The following MROH9 variants were observed in gnomAD, a reference collection of about 807,000 sequenced individuals.
The protein encoded by MROH9 is maestro heat-like repeat-containing protein family member 9.
Under a neutral mutation model 98.2 loss-of-function variants are expected in MROH9, and 92 were observed. The ratio of observed to expected loss-of-function variants is 0.94; its 90% CI spans 0.79 to 1.11. MROH9 has a LOEUF of 1.11. MROH9 is among the 50% of genes most tolerant of loss of function. The pLI, the probability that MROH9 is intolerant of heterozygous loss-of-function variation, is 0.00. For missense variants in MROH9, 1,057 were observed against 1,014.8 expected (o/e 1.04, Z -0.57); for synonymous variants, 397 against 368.9 (o/e 1.08, Z -0.87).
intron 15 of MROH9, among the ~76,000 whole-genome samples, chr1:171,005,172 C>T (rs1330452395): frequency 6.6e-6 from 1 of 152,128 alleles, no homozygotes; most frequent in Non-Finnish European, 1.5e-5. Context: ...TCAAGCAATT[C>T]TTCCACCTTA....
chr1:171,038,990 C>T lies in MROH9; in HGVS notation c.2281+13570C>T, dbSNP rs573353160. Among the ~76,000 whole-genome samples, 24 of 152,156 alleles carry T rather than the reference C, an allele frequency of 1.6e-4. No homozygotes were observed. In the East Asian group the frequency reaches 3.9e-3, roughly 24 times the overall value. ...CCTGCATTTCTGCATGGTAGCAACC[C>T]GGATGTAGCTGACCATCAGCTTCAC... On this transcript the variant is annotated intron_variant, in intron 20 of 21. Coordinates refer to ENST00000367759, the MANE Select transcript of MROH9 (RefSeq NM_001163629.2).
intron 17 of MROH9, among the ~76,000 whole-genome samples, chr1:171,018,194 C>T (rs908813027): frequency 5.9e-5 from 9 of 152,098 alleles, no homozygotes; most frequent in African/African-American, 2.2e-4. Context: ...GAGCAGGCAC[C>T]CATCTTTGCT....
chr1:170,972,680 C>A (rs1295298410), intron 8 of MROH9, among the ~76,000 whole-genome samples: 1 of 151,696 alleles, frequency 6.6e-6, no homozygotes, highest in East Asian at 1.9e-4. Flanking sequence ...GGTGTGGTGG[C>A]AGGCACCTGT....
intron 17 of MROH9, among the ~76,000 whole-genome samples, chr1:171,020,654 A>G (rs1024282286): frequency 6.6e-6 from 1 of 152,186 alleles, no homozygotes; most frequent in Admixed American, 6.5e-5. Flanking sequence ...CACAGCCAAT[A>G]TCATATTGAA....
chr1:170,941,517 T>C (rs556741366), intron 1 of MROH9, among the ~76,000 whole-genome samples: 1 of 152,314 alleles, frequency 6.6e-6, no homozygotes, highest in South Asian at 2.1e-4. Context: ...CATGATCAAC[T>C]AGCCAATACC....
chr1:171,047,847 T>C (rs1425570354), intron 20 of MROH9, among the ~76,000 whole-genome samples: 1 of 152,200 alleles, frequency 6.6e-6, no homozygotes. Context: ...TGTTGTAACC[T>C]AAGTTGTATC....
chr1:171,041,404 T>TACAA (rs1181791185), intron 20 of MROH9, among the ~76,000 whole-genome samples: 1 of 32,440 alleles, frequency 3.1e-5, no homozygotes. Context: ...TTGGTCAAGA[T>TACAA]ACATACACAC....
chr1:171,011,335 A>G (rs1009035332), intron 15 of MROH9, among the ~76,000 whole-genome samples: 6 of 152,204 alleles, frequency 3.9e-5, no homozygotes, highest in African/African-American at 1.4e-4. Flanking sequence ...ACCACCCTAC[A>G]GATTACTTAC....
intron 1 of MROH9, among the ~76,000 whole-genome samples, chr1:170,940,554 A>C (rs897443863): frequency 1.3e-5 from 2 of 152,198 alleles, no homozygotes; most frequent in African/African-American, 4.8e-5. Flanking sequence ...GGGATAGAGA[A>C]AAAAAGTATT....
At chr1:170,941,250 T>C (rs1408750377) in intron 1 of MROH9, among the ~76,000 whole-genome samples, 1 of 152,138 alleles carries the variant, frequency 6.6e-6, no homozygotes, top group Non-Finnish European at 1.5e-5. Flanking sequence ...TAGGTCCCTT[T>C]GTGGCAGACT....
At chr1:170,952,347 A>G (rs1649583655) in intron 3 of MROH9, among the ~76,000 whole-genome samples, 1 of 152,192 alleles carries the variant, frequency 6.6e-6, no homozygotes, top group African/African-American at 2.4e-5. Context: ...CTTGGAACCA[A>G]ACCAAATGTC....
Position 170,983,483 on chromosome 1 carries a change from T to G in MROH9, c.678T>G (p.Asp226Glu). 2 of 1,613,438 alleles carry G rather than the reference T, an allele frequency of 1.2e-6. No individual in the cohort carries two copies. Among genetic ancestry groups the G allele is most frequent in the Non-Finnish European group, 1.7e-6 (2 of 1,179,620 alleles). Residue 226 changes from aspartate to glutamate, a missense_variant, in exon 9 of 22, where the codon GAT (aspartate) becomes GAG (glutamate). Physicochemically the swap from Asp to Glu is conservative, Grantham distance 45. Coordinates refer to ENST00000367759, the MANE Select transcript of MROH9 (RefSeq NM_001163629.2). ...KSHSLQFPSS[D>E]VEFLPKEFQQ... ...ATAGCCTCCAGTTTCCTTCTTCTGA[T>G]GTAGAATTTCTACCCAAGGAGTTTC...
At chr1:171,029,398 C>T (rs552298934) in intron 20 of MROH9, among the ~76,000 whole-genome samples, 5 of 151,982 alleles carry the variant, frequency 3.3e-5, no homozygotes, top group African/African-American at 4.8e-5. Context: ...TTAGTAGAGA[C>T]GAGGTTTCAC....
intron 3 of MROH9, among the ~76,000 whole-genome samples, chr1:170,953,801 GGAGAGA>G (rs1208201194): frequency 6.9e-6 from 1 of 144,762 alleles, no homozygotes; most frequent in Non-Finnish European, 1.5e-5. Flanking sequence ...GGGAGGAGAG[GGAGAGA>G]GAGAGAGAGA....
At chr1:170,995,653 C>A in intron 13 of MROH9, 122 bp downstream of exon 13, 2 of 1,126,066 alleles carry the variant, frequency 1.8e-6, no homozygotes, top group Non-Finnish European at 2.5e-6. Flanking sequence ...TCATTTATTA[C>A]AGTTTTCTCT....
At chr1:171,012,079 G>A (rs778967932) in intron 15 of MROH9, among the ~76,000 whole-genome samples, 19 of 151,732 alleles carry the variant, frequency 1.3e-4, no homozygotes, top group Non-Finnish European at 2.8e-4. Context: ...AAATATCTAT[G>A]TTATATATAA....
chr1:170,975,840 G>T (rs1025198912), intron 8 of MROH9, among the ~76,000 whole-genome samples: 4 of 152,038 alleles, frequency 2.6e-5, no homozygotes, highest in African/African-American at 9.7e-5. Flanking sequence ...TCCTGTGTTG[G>T]GTGCATATTT....
chr1:170,986,406 T>C (rs1357511247), intron 9 of MROH9, among the ~76,000 whole-genome samples, 155 bp from the exon 10 acceptor site: 1 of 152,226 alleles, frequency 6.6e-6, no homozygotes, highest in Non-Finnish European at 1.5e-5. Context: ...TTTAATATTT[T>C]TCATGGAAGA....
chr1:170,989,042 T>C (rs560621679), intron 10 of MROH9, among the ~76,000 whole-genome samples: 70 of 152,172 alleles, frequency 4.6e-4, no homozygotes, highest in Non-Finnish European at 7.5e-4. Flanking sequence ...TAATTTTTTC[T>C]TTTGTTTGCC....
Sources: allele counts gnomAD v4.1 joint callset (sites outside exome capture counted in the v4.1 genomes callset), GRCh38; gene constraint gnomAD v4.1.1; transcripts MANE v1.5; gene names NCBI Gene and HGNC (gene_info 2026-07-23, HGNC 2026-07-21).